SLC23A2: variants seen among roughly 807,000 people sequenced by gnomAD.
SLC23A2 encodes Na(+)/L-ascorbic acid transporter 2.
Under a neutral mutation model 73.3 loss-of-function variants are expected in SLC23A2, and 36 were observed. The ratio of observed to expected loss-of-function variants is 0.49; its 90% CI spans 0.38 to 0.65. The LOEUF is 0.65. SLC23A2 is among the 30% of genes least tolerant of loss of function. SLC23A2 has a pLI of 0.00. For missense variants in SLC23A2, 507 were observed against 841.6 expected, an observed-to-expected ratio of 0.60 and a Z score of 4.92; for synonymous variants, 343 against 327.3, an observed-to-expected ratio of 1.05 and a Z score of -0.52.
chr20:4,855,562 T>C lies in SLC23A2; in HGVS notation c.*1410A>G, dbSNP rs1452478310. The C allele has an allele frequency of 2.6e-5, 4 of 152,490 alleles. No homozygotes were observed. The highest frequency in any genetic ancestry group is 9.7e-5 in the African/African-American group (4 of 41,448). The allele number at this position is 152,490 out of a possible 1,614,324, so 9.4% of individuals were successfully genotyped here. On this transcript the variant is annotated 3_prime_UTR_variant, in exon 17 of 17. Coordinates refer to ENST00000338244, the MANE Select transcript of SLC23A2 (RefSeq NM_005116.6). Reference sequence around the variant, plus strand: ...AGTGAGAGGGAGCCTGTTGGCTGCTTTTCTTATCACCTTTGGCAACCACCC... The same window carrying C: ...AGTGAGAGGGAGCCTGTTGGCTGCTCTTCTTATCACCTTTGGCAACCACCC...
chr20:4,971,660 A>C (rs1302591551), intron 1 of SLC23A2, among the ~76,000 whole-genome samples: 1 of 150,400 alleles, frequency 6.6e-6, no homozygotes, highest in Non-Finnish European at 1.5e-5. Context: ...GGTGGCACAC[A>C]CCTGTAGTCA....
chr20:4,859,548 T>C (rs894022611), intron 15 of SLC23A2, among the ~76,000 whole-genome samples, 164 bp from the exon 16 acceptor site: 1 of 152,250 alleles, frequency 6.6e-6, no homozygotes, highest in Non-Finnish European at 1.5e-5. Flanking sequence ...TTGCCAGTAA[T>C]GTTTTAAACT....
In SLC23A2 at chr20:4,868,008, G is replaced by A. The variant is rs974688740; in HGVS notation, c.1251-133C>T. ...AGCTTCCACATCTCCTGGGAGCTGGGAGGGCGATTAAAAATACAATCTCAG... is the reference window on the plus strand; with the variant it reads ...AGCTTCCACATCTCCTGGGAGCTGGAAGGGCGATTAAAAATACAATCTCAG... On this transcript the variant is annotated intron_variant, in intron 12 of 16. Coordinates refer to ENST00000338244, the MANE Select transcript of SLC23A2 (RefSeq NM_005116.6). This position sits in a 1 kb window ranked among gnomAD's most constrained non-coding sequence, Gnocchi z 4.4. The A allele has an allele frequency of 9.3e-6, 5 of 539,418 alleles. No individual in the cohort carries two copies. In the African/African-American group the frequency reaches 1.1e-4, roughly 11 times the overall value. 33.4% of individuals were successfully genotyped at this position (539,418 alleles called of 1,614,324 possible).
At chr20:4,967,067 T>A (rs1020547527) in intron 2 of SLC23A2, among the ~76,000 whole-genome samples, 2 of 151,924 alleles carry the variant, frequency 1.3e-5, no homozygotes, top group African/African-American at 4.8e-5. Context: ...AGATGAAAGG[T>A]CAGAAGGGCT....
chr20:4,957,947 C>A (rs2087319007), intron 2 of SLC23A2, among the ~76,000 whole-genome samples: 1 of 151,554 alleles, frequency 6.6e-6, no homozygotes, highest in South Asian at 2.1e-4. Context: ...TTGGCAGACA[C>A]TTAAAGCCTG....
At chr20:4,958,843 A>C (rs2122172781) in intron 2 of SLC23A2, among the ~76,000 whole-genome samples, 1 of 152,300 alleles carries the variant, frequency 6.6e-6, no homozygotes, top group East Asian at 1.9e-4. Flanking sequence ...AAGAGCAAGA[A>C]GGGCAAAAAT....
Position 4,883,164 on chromosome 20 carries a change from C to G in SLC23A2, c.824+478G>C, listed in dbSNP as rs998734503. Among the ~76,000 whole-genome samples, 2 of 152,194 alleles carry G rather than the reference C, an allele frequency of 1.3e-5. No homozygotes were observed. The highest frequency in any genetic ancestry group is 2.9e-5 in the Non-Finnish European group (2 of 68,040). ...CTATGTCCCTCCCCCAACCACCCAC[C>G]CGTCAGGAGTGCAGAGCTCAGTGTG... On this transcript the variant is annotated intron_variant, in intron 9 of 16. Coordinates refer to ENST00000338244, the MANE Select transcript of SLC23A2 (RefSeq NM_005116.6). This position sits in a 1 kb window ranked among gnomAD's most constrained non-coding sequence, Gnocchi z 4.5.
At chr20:4,916,833 G>A (rs1414698662) in intron 3 of SLC23A2, among the ~76,000 whole-genome samples, 1 of 152,126 alleles carries the variant, frequency 6.6e-6, no homozygotes, top group Non-Finnish European at 1.5e-5. Flanking sequence ...CCATAAAATA[G>A]GCTTTGTGTT....
At chr20:4,887,388 T>A (rs757296471) in intron 6 of SLC23A2, among the ~76,000 whole-genome samples, 1 of 152,012 alleles carries the variant, frequency 6.6e-6, no homozygotes, top group South Asian at 2.1e-4. Flanking sequence ...TGGTTTACCA[T>A]GGTTTCAGAC....
At chr20:4,864,009 T>C (rs1930090961) in intron 13 of SLC23A2, among the ~76,000 whole-genome samples, 1 of 152,122 alleles carries the variant, frequency 6.6e-6, no homozygotes, top group Admixed American at 6.5e-5. Flanking sequence ...TGCCCCTGCC[T>C]ATCCCCTGGG....
intron 2 of SLC23A2, among the ~76,000 whole-genome samples, chr20:4,948,402 C>T (rs1273984400): frequency 6.6e-6 from 1 of 152,170 alleles, no homozygotes; most frequent in Non-Finnish European, 1.5e-5. Flanking sequence ...ATCTCTTGTG[C>T]AGTACTGTTT....
At position 4,871,183 on chromosome 20, in the gene SLC23A2, G is replaced by A. The variant is rs570374041; in HGVS notation, c.1103-1130C>T. ...GCAGAAAGCACAGTGGGAAAAGAAC[G>A]ATGGCTAAAACATGGTCTCTCATGC... On this transcript the variant is annotated intron_variant, in intron 11 of 16. Coordinates refer to ENST00000338244, the MANE Select transcript of SLC23A2 (RefSeq NM_005116.6). 4.9e-4 allele frequency among the ~76,000 whole-genome samples: 74 copies of A among 152,310 alleles called. 1 individual carries two copies. In the East Asian group the frequency reaches 8.9e-3, roughly 18 times the overall value.
chr20:4,915,323 T>C (rs1356632503), intron 3 of SLC23A2, among the ~76,000 whole-genome samples: 1 of 152,210 alleles, frequency 6.6e-6, no homozygotes, highest in Non-Finnish European at 1.5e-5. Context: ...TTGTGTTATT[T>C]GTATACTGCT....
intron 1 of SLC23A2, among the ~76,000 whole-genome samples, chr20:4,991,074 G>A (rs902171267): frequency 6.6e-6 from 1 of 151,944 alleles, no homozygotes; most frequent in Non-Finnish European, 1.5e-5. Context: ...TGGGAGGGAG[G>A]TGTGAGGGGA....
intron 3 of SLC23A2, among the ~76,000 whole-genome samples, chr20:4,930,810 C>T (rs757953615): frequency 6.0e-5 from 9 of 150,720 alleles, no homozygotes; most frequent in African/African-American, 2.2e-4. Flanking sequence ...CAGAGCAAGA[C>T]GGTCTCAAAA....
chr20:4,869,488 A>C (rs6038004), intron 12 of SLC23A2: 36,621 of 142,090 alleles, frequency 0.26, 4,467 homozygotes, highest in East Asian at 0.28. Flanking sequence ...CTCTCTCTCT[A>C]TATATATATA....
intron 4 of SLC23A2, among the ~76,000 whole-genome samples, chr20:4,907,346 T>G (rs1225159717): frequency 6.6e-6 from 1 of 152,078 alleles, no homozygotes; most frequent in African/African-American, 2.4e-5. Context: ...GGCCCACGAT[T>G]AGATAAACTT....
At position 4,912,979 on chromosome 20, in the gene SLC23A2, C is replaced by A. The variant is rs777935134; in HGVS notation, c.109-1G>T. 1 of 1,602,220 alleles carries A rather than the reference C, an allele frequency of 6.2e-7. No individual in the cohort carries two copies. Among genetic ancestry groups the A allele is most frequent in the South Asian group, 1.1e-5 (1 of 90,832 alleles). On this transcript the variant is annotated splice_acceptor_variant, in intron 3 of 16. Transcript: ENST00000338244. LOFTEE classifies it high-confidence loss of function. The stretch of plus-strand genomic sequence containing the variant: ...AGGTGGCGCCTCCATTTATCACCAC[C>A]TGCAGAGACAATCCACTTAGAGGCT...
chr20:4,857,157 T>G lies in SLC23A2; in HGVS notation c.1768A>C (p.Lys590Gln), dbSNP rs1186344622. Residue 590 changes from lysine to glutamine, a missense_variant, in exon 17 of 17, where the codon AAA becomes CAA. Physicochemically the swap from Lys to Gln is moderately conservative, Grantham distance 53. This residue lies in a region of SLC23A2 where 168 missense variants were observed against 302.3 expected (regional missense o/e 0.56). Coordinates refer to ENST00000338244, the MANE Select transcript of SLC23A2 (RefSeq NM_005116.6). The surrounding 1 kb of genome is among the most constrained non-coding windows in gnomAD (Gnocchi z 4.0). ...ATGCCGTCGAGTGATTTGTTCCCTT[T>G]GCCCACACCCTTCTTCCATTTCCGG... ...GIRKWKKGVG[K>Q]GNKSLDGMES... The G allele has an allele frequency of 1.9e-6, 3 of 1,613,204 alleles. No individual in the cohort carries two copies. The East Asian group carries it at 6.7e-5, about 36-fold the overall frequency.
Sources: allele counts gnomAD v4.1 joint callset (sites outside exome capture counted in the v4.1 genomes callset), GRCh38; gene constraint gnomAD v4.1.1; regional missense constraint gnomAD v4.1.1; non-coding constraint Gnocchi (gnomAD v3.1); transcripts MANE v1.5; gene names NCBI Gene and HGNC (gene_info 2026-07-23, HGNC 2026-07-21).